The following CA10 variants were observed in gnomAD, a reference collection of about 807,000 sequenced individuals.
CA10 encodes the protein carbonic anhydrase-related protein 10.
A neutral mutation model predicts 44.2 loss-of-function variants in CA10; 14 were observed. The ratio of observed to expected loss-of-function variants is 0.32; its 90% CI spans 0.21 to 0.50. The LOEUF is 0.50. Among genes scored for constraint, CA10 ranks in the 20% least tolerant of loss-of-function variants. CA10 has a pLI of 0.99. For synonymous variants in CA10, 159 were observed against 141.6 expected (o/e 1.12, Z -0.87); for missense variants, 350 against 409.7 (o/e 0.85, Z 1.26).
chr17:51,951,542 A>G (rs1216867390), intron 2 of CA10, among the ~76,000 whole-genome samples: 1 of 152,218 alleles, frequency 6.6e-6, no homozygotes, highest in Non-Finnish European at 1.5e-5. Context: ...TACAGCAAAG[A>G]GCTAACTCAA....
At chr17:51,801,290 G>A (rs1906917508) in intron 3 of CA10, among the ~76,000 whole-genome samples, 1 of 152,148 alleles carries the variant, frequency 6.6e-6, no homozygotes, top group South Asian at 2.1e-4. Context: ...TAGGATGCAT[G>A]AAAGGTCCAC....
At chr17:51,666,966 A>T (rs77650749) in intron 4 of CA10, among the ~76,000 whole-genome samples, 7,361 of 152,352 alleles carry the variant, frequency 0.048, 242 homozygotes, top group Middle Eastern at 0.082. Context: ...ATTATTGGAA[A>T]ATAAATGGCA....
At chr17:51,642,082 T>C (rs1452843640) in intron 6 of CA10, among the ~76,000 whole-genome samples, 2 of 152,230 alleles carry the variant, frequency 1.3e-5, no homozygotes, top group Admixed American at 6.5e-5. Flanking sequence ...TGAAGTAATA[T>C]GATATTTTGT....
chr17:51,739,411 C>A (rs1904370077), intron 4 of CA10, among the ~76,000 whole-genome samples: 1 of 152,074 alleles, frequency 6.6e-6, no homozygotes, highest in African/African-American at 2.4e-5. Flanking sequence ...TAATGCCTGT[C>A]TTTAATATTG....
intron 4 of CA10, among the ~76,000 whole-genome samples, chr17:51,680,404 G>A (rs2076662079): frequency 6.6e-6 from 1 of 152,208 alleles, no homozygotes; most frequent in Non-Finnish European, 1.5e-5. Context: ...CTGACACAAA[G>A]AAACTCTGGT....
chr17:52,122,378 G>GA (rs1418193081), intron 1 of CA10, among the ~76,000 whole-genome samples: 1 of 152,156 alleles, frequency 6.6e-6, no homozygotes, highest in Non-Finnish European at 1.5e-5. Flanking sequence ...AGACAAAAGA[G>GA]AAAATCAGTG....
chr17:51,807,771 C>T (rs891473770), intron 3 of CA10, among the ~76,000 whole-genome samples: 2 of 152,128 alleles, frequency 1.3e-5, no homozygotes, highest in African/African-American at 4.8e-5. Flanking sequence ...AAAAAAGAGT[C>T]CAGACTACAT....
intron 2 of CA10, among the ~76,000 whole-genome samples, chr17:51,979,527 G>A (rs1984580828): frequency 6.6e-6 from 1 of 151,908 alleles, no homozygotes; most frequent in East Asian, 1.9e-4. Flanking sequence ...TTTCTTCTTT[G>A]TGTTCATGAC....
At chr17:51,706,066 A>G (rs531575663) in intron 4 of CA10, among the ~76,000 whole-genome samples, 1 of 152,310 alleles carries the variant, frequency 6.6e-6, no homozygotes, top group East Asian at 1.9e-4. Context: ...TAGTTCCAGC[A>G]CCGAGTAGCT....
chr17:51,667,471 C>G (rs1028624819), intron 4 of CA10, among the ~76,000 whole-genome samples: 1 of 152,022 alleles, frequency 6.6e-6, no homozygotes, highest in Non-Finnish European at 1.5e-5. Context: ...TGTGTACTGC[C>G]CAGATGGAGG....
chr17:51,851,828 G>A (rs1357163532), intron 3 of CA10, among the ~76,000 whole-genome samples: 2 of 152,170 alleles, frequency 1.3e-5, no homozygotes, highest in Non-Finnish European at 2.9e-5. Flanking sequence ...CAAACATTGG[G>A]AAATTTGAGC....
chr17:52,141,661 A>C (rs1007711413), intron 1 of CA10, among the ~76,000 whole-genome samples: 1 of 152,176 alleles, frequency 6.6e-6, no homozygotes. Context: ...TTTGTTTTCT[A>C]AGTTGTAAAC....
At chr17:52,064,577 T>A (rs1245567415) in intron 2 of CA10, among the ~76,000 whole-genome samples, 1 of 152,066 alleles carries the variant, frequency 6.6e-6, no homozygotes, top group South Asian at 2.1e-4. Flanking sequence ...TTTTTTTTTT[T>A]TTAAAGTGGA....
intron 4 of CA10, among the ~76,000 whole-genome samples, chr17:51,688,880 C>T (rs1915095422): frequency 6.6e-6 from 1 of 152,174 alleles, no homozygotes; most frequent in Admixed American, 6.5e-5. Flanking sequence ...ACAATCCTAC[C>T]AAGCACTTAT....
intron 2 of CA10, among the ~76,000 whole-genome samples, chr17:52,043,732 C>CT (rs1986833273): frequency 6.6e-6 from 1 of 152,024 alleles, no homozygotes. Context: ...TACATTTCTT[C>CT]TATACCTAAT....
intron 4 of CA10, among the ~76,000 whole-genome samples, chr17:51,697,654 G>A (rs1915447412): frequency 6.6e-6 from 1 of 152,068 alleles, no homozygotes; most frequent in African/African-American, 2.4e-5. Context: ...GCCATATGAG[G>A]GCCAGGGTCT....
Position 51,989,153 on chromosome 17 carries a change from CT to C in CA10, c.137-58022del, listed in dbSNP as rs558333341. The stretch of plus-strand genomic sequence containing the variant: ...AGCTACTATATCAGAATCTCTGTTT[CT>C]TTTTTTTTTTTTTTTAACTTTTAAG... On this transcript the variant is annotated intron_variant, in intron 2 of 8. Transcript: ENST00000451037. 9.9e-3 allele frequency among the ~76,000 whole-genome samples: 1,330 copies of C among 134,974 alleles called. 5 individuals carry two copies. The highest frequency in any genetic ancestry group is 0.012 in the African/African-American group (451 of 37,110). The allele number at this position is 134,974 out of a possible 152,430, so 88.5% of individuals were successfully genotyped here.
rs1194408642 is a variant in CA10, at chr17:51,931,055, C to G, written c.214G>C (p.Glu72Gln). ...VGKRQSPVNI[E>Q]TSHMIFDPFL... is the part of the protein sequence containing the mutation. ...GGGTCGAAGATCATGTGACTGGTCT[C>G]TATGTTGACTGGCGACTGCCGTTTC... The change falls in exon 3 of 9, where the codon GAG becomes CAG. Residue 72 changes from glutamate to glutamine, a missense_variant. Physicochemically the swap from Glu to Gln is conservative, Grantham distance 29. Transcript: ENST00000451037. 7 of 1,613,534 alleles carry G rather than the reference C, an allele frequency of 4.3e-6. No individual in the cohort carries two copies. The highest frequency in any genetic ancestry group is 1.7e-5 in the Admixed American group (1 of 59,962).
chr17:52,064,728 T>C (rs150772166), intron 2 of CA10, among the ~76,000 whole-genome samples: 1 of 152,316 alleles, frequency 6.6e-6, no homozygotes, highest in African/African-American at 2.4e-5. Context: ...GTTATTGACC[T>C]GGGTAAACCA....
Sources: allele counts gnomAD v4.1 joint callset (sites outside exome capture counted in the v4.1 genomes callset), GRCh38; gene constraint gnomAD v4.1.1; transcripts MANE v1.5; gene names NCBI Gene and HGNC (gene_info 2026-07-23, HGNC 2026-07-21).